The following BLACAT1 variants were observed in gnomAD, a reference collection of about 807,000 sequenced individuals.
The protein encoded by BLACAT1 is BLACAT1 overlapping LEMD1 locus.
chr1:205,454,088 G>A (rs978876505), intron 1 of BLACAT1, among the ~76,000 whole-genome samples: 1 of 152,214 alleles, frequency 6.6e-6, no homozygotes, highest in Admixed American at 6.5e-5. Context: ...GAGATGAAGG[G>A]TGGGGAGAAT....
chr1:205,444,801 G>A (rs1002256927), intron 1 of BLACAT1, among the ~76,000 whole-genome samples: 1 of 152,026 alleles, frequency 6.6e-6, no homozygotes, highest in Non-Finnish European at 1.5e-5. Flanking sequence ...CAAGAAGAGG[G>A]ATATTGCGCC....
downstream of BLACAT1, chr1:205,436,936 G>A (rs1001567845): frequency 2.0e-5 from 3 of 152,428 alleles, no homozygotes; most frequent in African/African-American, 7.2e-5. Context: ...AGGTAGGGAG[G>A]AAATGGGACT....
chr1:205,445,509 A>G lies in BLACAT1; in HGVS notation c.-36-4447T>C, dbSNP rs150368763. ...TCACAGGCCAAGGCCTCTGCCTCCA[A>G]TGGCCTTCAGAGACCACAGACCCTA... On this transcript the variant is annotated intron_variant, in intron 1 of 1. Transcript: ENST00000629624. Among the ~76,000 whole-genome samples the G allele has an allele frequency of 1.8e-3, 272 of 152,338 alleles. 2 individuals carry two copies. The highest frequency in any genetic ancestry group is 6.1e-3 in the African/African-American group (255 of 41,584).
In BLACAT1 at chr1:205,448,824, C is replaced by G. The variant is rs1415015637; in HGVS notation, c.-37+7093G>C. 6.6e-6 allele frequency among the ~76,000 whole-genome samples: 1 copy of G among 152,242 alleles called. No homozygotes were observed. The highest frequency in any genetic ancestry group is 1.9e-4 in the East Asian group (1 of 5,164). On this transcript the variant is annotated intron_variant, in intron 1 of 1. Coordinates refer to ENST00000629624, the Ensembl canonical transcript of BLACAT1. This position sits in a 1 kb window ranked among gnomAD's most constrained non-coding sequence, Gnocchi z 4.7. ...GGCTCCCTCTTTACAAAGCTTAACT[C>G]TTTCTAGTCCAGCCACTGGAAGCAC...
chr1:205,441,291 C>T lies in BLACAT1; in HGVS notation c.-36-229G>A, dbSNP rs1415544141. Among the ~76,000 whole-genome samples, 1 of 152,172 alleles carries T rather than the reference C, an allele frequency of 6.6e-6. No individual in the cohort carries two copies. Among genetic ancestry groups the T allele is most frequent in the Admixed American group, 6.5e-5 (1 of 15,290 alleles). The stretch of plus-strand genomic sequence containing the variant: ...TGTGTGGAGCTGATGTCATTCCTCA[C>T]ATTGGAGACAGGGTGAGTCCAAGGG... On this transcript the variant is annotated intron_variant, in intron 1 of 1. Coordinates refer to ENST00000629624, the Ensembl canonical transcript of BLACAT1. The surrounding 1 kb of genome is among the most constrained non-coding windows in gnomAD (Gnocchi z 4.3).
chr1:205,455,533 T>C (rs1399207434), intron 1 of BLACAT1, among the ~76,000 whole-genome samples: 5 of 152,060 alleles, frequency 3.3e-5, no homozygotes, highest in Non-Finnish European at 7.4e-5. Flanking sequence ...CCATGGGGTA[T>C]AAAGGAAACG....
At chr1:205,438,922 C>T (rs1426715114), downstream of BLACAT1, among the ~76,000 whole-genome samples, 2 of 152,044 alleles carry the variant, frequency 1.3e-5, no homozygotes, top group Admixed American at 6.5e-5. Context: ...TCTCCTCGGC[C>T]ACCCGCTCCC....
downstream of BLACAT1, chr1:205,436,454 G>A (rs1264309269): frequency 1.3e-5 from 2 of 152,188 alleles, no homozygotes; most frequent in Non-Finnish European, 2.9e-5. Flanking sequence ...TTAGAGAAGC[G>A]AACCCAGGCG....
At position 205,455,912 on chromosome 1, in the gene BLACAT1, C is replaced by T. The variant is rs1211081630; in HGVS notation, c.-37+5G>A. ...TCTGCCTGTTTGTTTTCGCTCAGTA[C>T]TCACAGTTTAGATGCTAAGCCGGCT... On this transcript the variant is annotated splice_donor_5th_base_variant and intron_variant, in intron 1 of 1. Transcript: ENST00000629624. 1 of 152,292 alleles carries T rather than the reference C, an allele frequency of 6.6e-6. No individual in the cohort carries two copies. 9.4% of individuals were successfully genotyped at this position (152,292 alleles called of 1,614,324 possible).
At position 205,441,030 on chromosome 1, in the gene BLACAT1, C is replaced by A; in HGVS notation, c.-4G>T. 6.6e-6 allele frequency: 1 copy of A among 152,578 alleles called. No individual in the cohort carries two copies. The allele number at this position is 152,578 out of a possible 1,614,324, so 9.5% of individuals were successfully genotyped here. On this transcript the variant is annotated 5_prime_UTR_variant, in exon 2 of 2. In the 5' UTR this introduces an upstream ATG that the reference lacks. Coordinates refer to ENST00000629624, the Ensembl canonical transcript of BLACAT1. This position sits in a 1 kb window ranked among gnomAD's most constrained non-coding sequence, Gnocchi z 4.3. ...AGGCGAAAGTGAACTGGGGCATGCC[C>A]TACGCCAGGCTGGGGGAACACTCAC...
intron 1 of BLACAT1, among the ~76,000 whole-genome samples, chr1:205,444,794 G>A (rs1666355358): frequency 6.6e-6 from 1 of 152,044 alleles, no homozygotes; most frequent in Non-Finnish European, 1.5e-5. Flanking sequence ...TGATAAACAA[G>A]AAGAGGGATA....
exon 2 of BLACAT1, among the ~76,000 whole-genome samples, chr1:205,440,134 G>C (rs1666269054): frequency 6.6e-6 from 1 of 152,198 alleles, no homozygotes; most frequent in Admixed American, 6.5e-5. Context: ...GTCCAGGAAA[G>C]GGGTCCCTCA....
chr1:205,446,607 C>T (rs1270446209), intron 1 of BLACAT1, among the ~76,000 whole-genome samples: 1 of 152,172 alleles, frequency 6.6e-6, no homozygotes, highest in East Asian at 1.9e-4. Flanking sequence ...TGGCATGGCT[C>T]TAACCTGGCT....
At position 205,450,412 on chromosome 1, in the gene BLACAT1, C is replaced by T. The variant is rs890071974; in HGVS notation, c.-37+5505G>A. 6.6e-6 allele frequency among the ~76,000 whole-genome samples: 1 copy of T among 151,450 alleles called. No homozygotes were observed. Among genetic ancestry groups the T allele is most frequent in the Non-Finnish European group, 1.5e-5 (1 of 67,844 alleles). On this transcript the variant is annotated intron_variant, in intron 1 of 1. Transcript: ENST00000629624. This position sits in a 1 kb window ranked among gnomAD's most constrained non-coding sequence, Gnocchi z 4.4. ...TATAGTTTAATTTTTGGCAGGAGAC[C>T]TGAGACGGCTCCCTGCAGGCCCCCC...
rs148831495 is a variant in BLACAT1 at position 205,450,600 on chromosome 1, C to T, written c.-37+5317G>A. 2.7e-4 allele frequency among the ~76,000 whole-genome samples: 41 copies of T among 152,222 alleles called. No homozygotes were observed. The highest frequency in any genetic ancestry group is 8.7e-4 in the African/African-American group (36 of 41,516). On this transcript the variant is annotated intron_variant, in intron 1 of 1. Transcript: ENST00000629624. The surrounding 1 kb of genome is among the most constrained non-coding windows in gnomAD (Gnocchi z 4.4). ...CCTGCTCGAGCCTGGCCCCCTCCAC[C>T]CACCCTCACCCAGTCCTGCGCTCGG...
At chr1:205,443,378 G>A (rs1006372250) in intron 1 of BLACAT1, among the ~76,000 whole-genome samples, 3 of 113,618 alleles carry the variant, frequency 2.6e-5, no homozygotes, top group Admixed American at 1.0e-4. Context: ...TAAATGACCC[G>A]TTCCTCCCCA....
intron 1 of BLACAT1, among the ~76,000 whole-genome samples, chr1:205,449,236 G>C (rs1463847506): frequency 2.6e-5 from 4 of 152,140 alleles, no homozygotes; most frequent in Non-Finnish European, 5.9e-5. Context: ...AAGGTCTCAG[G>C]GCCCTGGAAA....
At chr1:205,439,624 T>C (rs1402606734), downstream of BLACAT1, among the ~76,000 whole-genome samples, 2 of 152,342 alleles carry the variant, frequency 1.3e-5, no homozygotes, top group African/African-American at 4.8e-5. Context: ...CCTTGCCCTC[T>C]CTACCCAGGT....
At chr1:205,446,488 A>T (rs995256548) in intron 1 of BLACAT1, among the ~76,000 whole-genome samples, 2 of 152,212 alleles carry the variant, frequency 1.3e-5, no homozygotes, top group Non-Finnish European at 2.9e-5. Flanking sequence ...AATCTCTGGA[A>T]TGGCTCATCT....
Sources: gnomAD v4.1 joint callset for allele counts (sites outside exome capture counted in the v4.1 genomes callset) on GRCh38, gnomAD v4.1.1 for gene constraint, Gnocchi (gnomAD v3.1) non-coding constraint, MANE v1.5 for transcripts, NCBI Gene and HGNC (gene_info 2026-07-23, HGNC 2026-07-21) for gene names.